The following IQCH variants were observed in gnomAD, a reference collection of about 807,000 sequenced individuals.
IQCH encodes IQ motif containing H.
Under a neutral mutation model 117.0 loss-of-function variants are expected in IQCH, and 98 were observed. That is an observed-to-expected ratio of 0.84 (90% CI 0.71 to 0.99). The LOEUF is 0.99. Ranked by LOEUF, IQCH falls within the 50% of genes least tolerant of loss-of-function variation. The probability of loss-of-function intolerance (pLI) is 0.00; values close to 1 mark genes in which losing one functional copy is unlikely to be tolerated. For synonymous variants in IQCH, 412 were observed against 448.2 expected, an observed-to-expected ratio of 0.92 and a Z score of 1.02; for missense variants, 1,102 against 1,243.8, an observed-to-expected ratio of 0.89 and a Z score of 1.72.
chr15:67,362,149 C>CACA (rs1555464246), intron 8 of IQCH, among the ~76,000 whole-genome samples: 4 of 150,398 alleles, frequency 2.7e-5, no homozygotes, highest in Non-Finnish European at 4.4e-5. Context: ...TACGCACACA[C>CACA]CACACACACA....
intron 8 of IQCH, chr15:67,371,501 A>G: frequency 6.3e-7 from 1 of 1,594,434 alleles, no homozygotes; most frequent in Non-Finnish European, 8.5e-7. Context: ...GAATAAAAGA[A>G]CACGTGTCAA....
rs188435128 is a variant in IQCH at position 67,481,952 on chromosome 15, G to A, written c.2799+6134G>A. On this transcript the variant is annotated intron_variant, in intron 18 of 20. Transcript: ENST00000335894. This position sits in a 1 kb window ranked among gnomAD's most constrained non-coding sequence, Gnocchi z 4.1. ...GAAAGTTTTAAAATTGCTAAGGATG[G>A]CTTGTGCCTGTAATCCTAGCTGCTC... Among the ~76,000 whole-genome samples the A allele has an allele frequency of 9.8e-5, 15 of 152,320 alleles. No homozygotes were observed. The East Asian group carries it at 2.9e-3, about 29-fold the overall frequency.
intron 3 of IQCH, among the ~76,000 whole-genome samples, chr15:67,264,092 G>C (rs1480038596): frequency 6.6e-6 from 1 of 152,160 alleles, no homozygotes; most frequent in East Asian, 1.9e-4. Context: ...GCAGAGCTTT[G>C]GGTGTACATT....
At position 67,421,562 on chromosome 15, in the gene IQCH, C is replaced by T. The variant is rs1156281624; in HGVS notation, c.2490C>T (p.Ser830=). 1 of 1,613,928 alleles carries T rather than the reference C, an allele frequency of 6.2e-7. No homozygotes were observed. Among genetic ancestry groups the T allele is most frequent in the Non-Finnish European group, 8.5e-7 (1 of 1,179,972 alleles). Residue 830 remains serine (S), a synonymous_variant, in exon 16 of 21, where the codon AGC becomes AGT. Coordinates refer to ENST00000335894, the MANE Select transcript of IQCH (RefSeq NM_001031715.3). ...ATCTGGTGACTTTTATAGATCCAAG[C>T]ACCTTGGAACAACAGGTAAGTTGAA... is the stretch of plus-strand genomic sequence containing the variant. ...SIDLVTFIDP[S]TLEQQVWATG... is the part of the protein sequence containing the mutation.
At chr15:67,288,549 C>T (rs1223520103) in intron 4 of IQCH, among the ~76,000 whole-genome samples, 1 of 152,018 alleles carries the variant, frequency 6.6e-6, no homozygotes. Context: ...TCTATTTTGT[C>T]TGGTATAGCT....
chr15:67,277,602 C>T (rs913464820), intron 3 of IQCH, among the ~76,000 whole-genome samples: 25 of 149,488 alleles, frequency 1.7e-4, no homozygotes, highest in African/African-American at 4.9e-4. Context: ...GGCGCAATCT[C>T]GGCTCACTGC....
intron 4 of IQCH, among the ~76,000 whole-genome samples, chr15:67,311,120 G>A (rs1967573036): frequency 6.6e-6 from 1 of 152,090 alleles, no homozygotes; most frequent in African/African-American, 2.4e-5. Flanking sequence ...CTGAGGTTGT[G>A]TGGTAAGCAA....
chr15:67,418,094 TGA>T (rs2081621543), intron 15 of IQCH, among the ~76,000 whole-genome samples: 1 of 152,074 alleles, frequency 6.6e-6, no homozygotes, highest in Non-Finnish European at 1.5e-5. Context: ...GGTGGAAAAC[TGA>T]AGTACAAAAG....
In IQCH at chr15:67,372,283, T is replaced by C; in HGVS notation, c.926T>C (p.Leu309Pro). Reference sequence around the variant, plus strand: ...CTCTTGGAACACGTCGAGAAGTTTCTCAGGAACTATGCTATACCAGAAGTC... The same window carrying C: ...CTCTTGGAACACGTCGAGAAGTTTCCCAGGAACTATGCTATACCAGAAGTC... ...FSLLEHVEKF[L>P]RNYAIPEVKI... Residue 309 changes from leucine to proline, a missense_variant, in exon 9 of 21, where the codon CTC (leucine) becomes CCC (proline). Transcript: ENST00000335894. The C allele has an allele frequency of 6.2e-7, 1 of 1,614,120 alleles. No homozygotes were observed. The highest frequency in any genetic ancestry group is 1.1e-5 in the South Asian group (1 of 91,088).
chr15:67,391,856 T>G lies in IQCH; in HGVS notation c.1632+2850T>G, dbSNP rs1971295300. 6.6e-6 allele frequency among the ~76,000 whole-genome samples: 1 copy of G among 152,130 alleles called. No individual in the cohort carries two copies. Among genetic ancestry groups the G allele is most frequent in the Admixed American group, 6.6e-5 (1 of 15,264 alleles). On this transcript the variant is annotated intron_variant, in intron 12 of 20. Transcript: ENST00000335894. This position sits in a 1 kb window ranked among gnomAD's most constrained non-coding sequence, Gnocchi z 4.3. The stretch of plus-strand genomic sequence containing the variant: ...GCCCGCAGATGACTATAATACAGAG[T>G]TGGGTAGAGTACTTGCCAATAGAAA...
At chr15:67,282,559 C>T (rs1354896750) in intron 4 of IQCH, among the ~76,000 whole-genome samples, 1 of 152,072 alleles carries the variant, frequency 6.6e-6, no homozygotes, top group Non-Finnish European at 1.5e-5. Flanking sequence ...ATATGTGTGA[C>T]GTCTGCTTAA....
chr15:67,334,734 G>C (rs1968817242), intron 4 of IQCH, among the ~76,000 whole-genome samples: 1 of 152,182 alleles, frequency 6.6e-6, no homozygotes, highest in South Asian at 2.1e-4. Context: ...TATACAGCCA[G>C]GGCTGAGAGT....
chr15:67,361,007 G>A (rs924586185), intron 8 of IQCH, among the ~76,000 whole-genome samples: 3 of 152,250 alleles, frequency 2.0e-5, no homozygotes, highest in African/African-American at 7.2e-5. Context: ...AACTGCTAAT[G>A]TTGACTGAGC....
chr15:67,269,291 C>T (rs1341351918), intron 3 of IQCH, among the ~76,000 whole-genome samples: 1 of 152,128 alleles, frequency 6.6e-6, no homozygotes, highest in Non-Finnish European at 1.5e-5. Context: ...GCAAAATGGG[C>T]ATACTTTTAT....
In IQCH at chr15:67,423,409, A is replaced by T. The variant is rs538252886; in HGVS notation, c.2505+1832A>T. ...AATGGGACCCCATGTCTACAAAAAA[A>T]TACAAAAAAATTAGCCGGGCATAGT... On this transcript the variant is annotated intron_variant, in intron 16 of 20. Coordinates refer to ENST00000335894, the MANE Select transcript of IQCH (RefSeq NM_001031715.3). Among the ~76,000 whole-genome samples, 9 of 152,182 alleles carry T rather than the reference A, an allele frequency of 5.9e-5. No homozygotes were observed. The South Asian group carries it at 1.9e-3, about 32-fold the overall frequency.
At chr15:67,302,059 C>T (rs1967072352) in intron 4 of IQCH, among the ~76,000 whole-genome samples, 1 of 152,094 alleles carries the variant, frequency 6.6e-6, no homozygotes, top group Non-Finnish European at 1.5e-5. Flanking sequence ...CCATTTCCTC[C>T]CTACACCAGA....
At chr15:67,307,113 A>G (rs1247135193) in intron 4 of IQCH, 1 of 1,157,910 alleles carries the variant, frequency 8.6e-7, no homozygotes, top group Non-Finnish European at 1.1e-6. Flanking sequence ...GTTATGACCT[A>G]GAAAAAAATC....
rs1393277516 is a variant in IQCH at position 67,496,682 on chromosome 15, TAAG to T, written c.2970+2329_2970+2331del. On this transcript the variant is annotated intron_variant, in intron 20 of 20. Coordinates refer to ENST00000335894, the MANE Select transcript of IQCH (RefSeq NM_001031715.3). The surrounding 1 kb of genome is among the most constrained non-coding windows in gnomAD (Gnocchi z 4.4). ...CAACATAGCAAGACCTCATCTCTAC[TAAG>T]AAGAAGAAGAAGGAGAAGGAGAAAA... Among the ~76,000 whole-genome samples the T allele has an allele frequency of 6.6e-5, 10 of 151,050 alleles. No homozygotes were observed. The highest frequency in any genetic ancestry group is 2.6e-4 in the Admixed American group (4 of 15,198).
At position 67,406,813 on chromosome 15, in the gene IQCH, C is replaced by T. The variant is rs1371033057; in HGVS notation, c.2097+6508C>T. 6.6e-6 allele frequency: 1 copy of T among 152,196 alleles called. No individual in the cohort carries two copies. Among genetic ancestry groups the T allele is most frequent in the Non-Finnish European group, 1.5e-5 (1 of 68,048 alleles). The allele number at this position is 152,196 out of a possible 1,614,324, so 9.4% of individuals were successfully genotyped here. A position where few individuals can be genotyped will look rare whatever the true frequency, so the allele number is the denominator to read the frequency against. ...TCTATCTGTAAAGAGAGATTAGTACCTGTCTCATGGGGAAGTGGTGACAAG... is the reference window on the plus strand; with the variant it reads ...TCTATCTGTAAAGAGAGATTAGTACTTGTCTCATGGGGAAGTGGTGACAAG... On this transcript the variant is annotated intron_variant, in intron 14 of 20. Coordinates refer to ENST00000335894, the MANE Select transcript of IQCH (RefSeq NM_001031715.3). This position sits in a 1 kb window ranked among gnomAD's most constrained non-coding sequence, Gnocchi z 4.5.
Sources: allele counts gnomAD v4.1 joint callset (sites outside exome capture counted in the v4.1 genomes callset), GRCh38; gene constraint gnomAD v4.1.1; non-coding constraint Gnocchi (gnomAD v3.1); transcripts MANE v1.5; gene names NCBI Gene and HGNC (gene_info 2026-07-23, HGNC 2026-07-21).